MPP7: variants seen among roughly 807,000 people sequenced by gnomAD.
The protein encoded by MPP7 is MAGUK p55 subfamily member 7.
In MPP7, 60 loss-of-function variants were observed where a neutral mutation model predicts 76.5. That is an observed-to-expected ratio of 0.78 (90% CI 0.64 to 0.97). The LOEUF (loss-of-function observed/expected upper bound fraction) is 0.97, where lower values mean the gene tolerates loss of function less well. MPP7 is among the 50% of genes least tolerant of loss of function. The pLI is 0.00. For missense variants in MPP7, 641 were observed against 694.0 expected (o/e 0.92, Z 0.86); for synonymous variants, 237 against 244.5 (o/e 0.97, Z 0.29).
chr10:28,211,064 C>T (rs1255668833), intron 2 of MPP7, among the ~76,000 whole-genome samples: 1 of 152,016 alleles, frequency 6.6e-6, no homozygotes, highest in Non-Finnish European at 1.5e-5. Flanking sequence ...TGAACCCATG[C>T]TACACTGCAG....
At chr10:28,326,402 A>G (rs994706757) in intron 2 of MPP7, among the ~76,000 whole-genome samples, 2 of 152,200 alleles carry the variant, frequency 1.3e-5, no homozygotes, top group Non-Finnish European at 2.9e-5. Flanking sequence ...AGGTGTGGGT[A>G]CGACATTGAT....
Position 28,216,195 on chromosome 10 carries a change from T to C in MPP7, c.38-13924A>G, listed in dbSNP as rs181590846. ...GAGTATGGGACCAGCCTGAGCAACA[T>C]AGCAAGACCCCGTTTCTAAAAAAAA... On this transcript the variant is annotated intron_variant, in intron 2 of 16. Coordinates refer to ENST00000683449, the MANE Select transcript of MPP7 (RefSeq NM_001318170.2). 2.5e-4 allele frequency among the ~76,000 whole-genome samples: 38 copies of C among 150,460 alleles called. No homozygotes were observed. In the East Asian group the frequency reaches 5.1e-3, roughly 20 times the overall value.
intron 2 of MPP7, among the ~76,000 whole-genome samples, chr10:28,319,887 G>A (rs143471274): frequency 1.6e-4 from 25 of 152,134 alleles, no homozygotes; most frequent in African/African-American, 5.3e-4. Flanking sequence ...GAGGCAGGAG[G>A]ATAGCTTGAA....
intron 3 of MPP7, among the ~76,000 whole-genome samples, chr10:28,198,846 C>T (rs181459562): frequency 6.6e-6 from 1 of 152,308 alleles, no homozygotes; most frequent in East Asian, 1.9e-4. Flanking sequence ...TCTACCCTTG[C>T]TGATGGTCTA....
intron 1 of MPP7, among the ~76,000 whole-genome samples, chr10:28,332,244 TGC>T (rs960194141): frequency 6.5e-5 from 7 of 107,006 alleles, no homozygotes; most frequent in Admixed American, 3.9e-4. Context: ...GTCAAATGTA[TGC>T]GTGTGTGTGT....
intron 1 of MPP7, among the ~76,000 whole-genome samples, chr10:28,288,621 T>C (rs1840840939): frequency 6.6e-6 from 1 of 152,210 alleles, no homozygotes. Flanking sequence ...TTGATAGATA[T>C]AACTCATGTA....
At position 28,128,023 on chromosome 10, in the gene MPP7, A is replaced by T. The variant is rs1031535350; in HGVS notation, c.448-2932T>A. On this transcript the variant is annotated intron_variant, in intron 6 of 16. Transcript: ENST00000683449. ...CTGTGTGGCTGGAGCCCAGTAGCAG[A>T]GGAGCGGCAAGAGGAGATGAGGTAA... is the stretch of plus-strand genomic sequence containing the variant. 2.2e-4 allele frequency among the ~76,000 whole-genome samples: 34 copies of T among 152,208 alleles called. 1 individual carries two copies. Among genetic ancestry groups the T allele is most frequent in the Admixed American group, 2.0e-3 (31 of 15,278 alleles).
rs979414776 is a variant in MPP7 at position 28,052,123 on chromosome 10, T to A, written c.*1942A>T. On this transcript the variant is annotated 3_prime_UTR_variant, in exon 17 of 17. Coordinates refer to ENST00000683449, the MANE Select transcript of MPP7 (RefSeq NM_001318170.2). ...AAATAACTGAAGCAATTATCTGCAA[T>A]TTTTTTAAAATGTGGGTATTTCAGG... is the stretch of plus-strand genomic sequence containing the variant. 1.3e-5 allele frequency: 2 copies of A among 151,140 alleles called. No individual in the cohort carries two copies. The highest frequency in any genetic ancestry group is 4.9e-5 in the African/African-American group (2 of 40,578). 9.4% of individuals were successfully genotyped at this position (151,140 alleles called of 1,614,324 possible).
At chr10:28,279,355 CTT>C (rs1564753389) in intron 1 of MPP7, among the ~76,000 whole-genome samples, 1 of 152,048 alleles carries the variant, frequency 6.6e-6, no homozygotes, top group Non-Finnish European at 1.5e-5. Flanking sequence ...GTTAGTGGAT[CTT>C]TTTCCTTCTA....
At chr10:28,246,747 G>A (rs930424776) in intron 1 of MPP7, among the ~76,000 whole-genome samples, 3 of 152,054 alleles carry the variant, frequency 2.0e-5, no homozygotes, top group African/African-American at 4.8e-5. Context: ...AAAGAGCATG[G>A]TGGAAACCAC....
chr10:28,103,828 G>C (rs1451029394), intron 11 of MPP7, among the ~76,000 whole-genome samples: 1 of 152,022 alleles, frequency 6.6e-6, no homozygotes, highest in Non-Finnish European at 1.5e-5. Flanking sequence ...GAGCTAAGGT[G>C]GTTCTCTCTC....
At chr10:28,096,781 A>ACCACCATT (rs1853589577) in intron 11 of MPP7, among the ~76,000 whole-genome samples, 1 of 152,142 alleles carries the variant, frequency 6.6e-6, no homozygotes, top group Non-Finnish European at 1.5e-5. Context: ...GGAATTACTG[A>ACCACCATT]CATGTAATCA....
At chr10:28,155,759 T>A (rs560417176) in intron 3 of MPP7, among the ~76,000 whole-genome samples, 1 of 151,890 alleles carries the variant, frequency 6.6e-6, no homozygotes, top group South Asian at 2.1e-4. Context: ...GTGCTAGTGG[T>A]CAGAAACTTA....
At chr10:28,293,596 A>C (rs1840971906) in intron 1 of MPP7, among the ~76,000 whole-genome samples, 2 of 151,994 alleles carry the variant, frequency 1.3e-5, no homozygotes, top group Admixed American at 1.3e-4. Flanking sequence ...AAGGTGGGAG[A>C]CTCTACACGG....
In MPP7 at chr10:28,061,732, C is replaced by T. The variant is rs550778822; in HGVS notation, c.1205-1989G>A. Reference sequence around the variant, plus strand: ...TACACTCAGAAGGGAAAAATTATGCCTAGACACATTATAATCAAACTATTA... The same window carrying T: ...TACACTCAGAAGGGAAAAATTATGCTTAGACACATTATAATCAAACTATTA... On this transcript the variant is annotated intron_variant, in intron 13 of 16. Coordinates refer to ENST00000683449, the MANE Select transcript of MPP7 (RefSeq NM_001318170.2). Among the ~76,000 whole-genome samples, 5 of 152,110 alleles carry T rather than the reference C, an allele frequency of 3.3e-5. No individual in the cohort carries two copies. In the South Asian group the frequency reaches 8.3e-4, roughly 25 times the overall value.
At chr10:28,236,149 A>T (rs573065183) in intron 2 of MPP7, among the ~76,000 whole-genome samples, 1 of 152,336 alleles carries the variant, frequency 6.6e-6, no homozygotes, top group East Asian at 1.9e-4. Context: ...ACTGTAGATC[A>T]TTCGGTGGTT....
chr10:28,332,047 C>T (rs1432239567), intron 1 of MPP7, among the ~76,000 whole-genome samples: 1 of 152,140 alleles, frequency 6.6e-6, no homozygotes, highest in African/African-American at 2.4e-5. Context: ...ATTGAACAAG[C>T]ATTTGCTTTG....
At chr10:28,215,763 A>G (rs1430544582) in intron 2 of MPP7, among the ~76,000 whole-genome samples, 1 of 152,190 alleles carries the variant, frequency 6.6e-6, no homozygotes, top group Non-Finnish European at 1.5e-5. Context: ...AGTCATGCTA[A>G]CCTTACAGAA....
chr10:28,092,821 C>T (rs1853382963), intron 11 of MPP7, among the ~76,000 whole-genome samples: 1 of 139,442 alleles, frequency 7.2e-6, no homozygotes, highest in African/African-American at 2.7e-5. Flanking sequence ...CAAAAATGAT[C>T]CGCCCACCTC....
Sources: allele counts gnomAD v4.1 joint callset (sites outside exome capture counted in the v4.1 genomes callset), GRCh38; gene constraint gnomAD v4.1.1; transcripts MANE v1.5; gene names NCBI Gene and HGNC (gene_info 2026-07-23, HGNC 2026-07-21).